Variants in SSH2 observed in about 807,000 individuals in gnomAD.
SSH2 encodes slingshot protein phosphatase 2.
A neutral mutation model predicts 135.2 loss-of-function variants in SSH2; 37 were observed. That is an observed-to-expected ratio of 0.27 (90% confidence interval 0.21 to 0.36). SSH2 has a LOEUF of 0.36. Ranked by LOEUF, SSH2 falls within the 10% of genes least tolerant of loss-of-function variation. SSH2 has a pLI of 1.00. For synonymous variants in SSH2, 628 were observed against 646.2 expected, an observed-to-expected ratio of 0.97 and a Z score of 0.43; for missense variants, 1,408 against 1,765.3, an observed-to-expected ratio of 0.80 and a Z score of 3.63.
chr17:29,896,766 A>G (rs949362673), intron 1 of SSH2, among the ~76,000 whole-genome samples: 1 of 151,730 alleles, frequency 6.6e-6, no homozygotes, highest in Non-Finnish European at 1.5e-5. Context: ...TTAATATTAC[A>G]AAATACAAGC....
rs555257110 is a variant in SSH2, at chr17:29,699,692, T to C, written c.292+3267A>G. On this transcript the variant is annotated intron_variant, in intron 4 of 15. Transcript: ENST00000540801. ...TAACTATCACATGCCATAGAGTAAT[T>C]TGCCCAACATTCTAGTCAGACAAAC... is the stretch of plus-strand genomic sequence containing the variant. Among the ~76,000 whole-genome samples the C allele has an allele frequency of 2.0e-5, 3 of 152,294 alleles. No individual in the cohort carries two copies. The East Asian group carries it at 5.8e-4, about 29-fold the overall frequency.
At chr17:29,853,061 A>C (rs1174837324) in intron 1 of SSH2, among the ~76,000 whole-genome samples, 1 of 151,488 alleles carries the variant, frequency 6.6e-6, no homozygotes, top group Non-Finnish European at 1.5e-5. Context: ...AGGAATACAA[A>C]ATGCAGCCTT....
At chr17:29,859,199 C>T (rs887897358) in intron 1 of SSH2, among the ~76,000 whole-genome samples, 3 of 152,150 alleles carry the variant, frequency 2.0e-5, no homozygotes, top group African/African-American at 4.8e-5. Flanking sequence ...TCATGGCTCC[C>T]TTCCTCTATC....
chr17:29,852,884 G>A (rs959408270), intron 1 of SSH2, among the ~76,000 whole-genome samples: 12 of 151,736 alleles, frequency 7.9e-5, no homozygotes, highest in East Asian at 1.9e-4. Flanking sequence ...AATTGTTTCC[G>A]GGTTCTGCAG....
chr17:29,696,618 TATATAC>T (rs1277396241), intron 4 of SSH2, among the ~76,000 whole-genome samples: 7 of 99,514 alleles, frequency 7.0e-5, no homozygotes, highest in Non-Finnish European at 8.9e-5. Context: ...TATACATATA[TATATAC>T]ACACACACAC....
intron 9 of SSH2, among the ~76,000 whole-genome samples, chr17:29,669,780 C>T (rs1432533197): frequency 6.6e-6 from 1 of 151,942 alleles, no homozygotes; most frequent in African/African-American, 2.4e-5. Context: ...CCAGGGACTG[C>T]CTTTATGTTT....
chr17:29,832,029 G>A (rs1243299785), intron 2 of SSH2, among the ~76,000 whole-genome samples: 2 of 152,138 alleles, frequency 1.3e-5, no homozygotes, highest in African/African-American at 2.4e-5. Flanking sequence ...CTCTTCTTGT[G>A]CCGCAACTGT....
chr17:29,729,505 A>G (rs1411304966), intron 3 of SSH2, among the ~76,000 whole-genome samples: 2 of 152,206 alleles, frequency 1.3e-5, no homozygotes, highest in Non-Finnish European at 2.9e-5. Flanking sequence ...ACTAAATAGA[A>G]CTACCATACG....
chr17:29,870,309 G>T (rs2065918626), intron 1 of SSH2, among the ~76,000 whole-genome samples: 1 of 150,624 alleles, frequency 6.6e-6, no homozygotes, highest in South Asian at 2.1e-4. Flanking sequence ...ATGCAATATT[G>T]TATATAGTAT....
intron 2 of SSH2, 56 bp downstream of exon 2, chr17:29,848,793 C>T: frequency 8.7e-7 from 1 of 1,152,404 alleles, no homozygotes; most frequent in Non-Finnish European, 1.2e-6. Context: ...CCAAATTTAC[C>T]CAATAAGATT....
intron 14 of SSH2, among the ~76,000 whole-genome samples, chr17:29,640,457 C>G (rs370889364): frequency 3.9e-5 from 6 of 152,300 alleles, no homozygotes; most frequent in African/African-American, 1.4e-4. Flanking sequence ...TGCTAATAGG[C>G]AGCAACAGTG....
chr17:29,717,435 C>T (rs965806215), intron 3 of SSH2, among the ~76,000 whole-genome samples: 1 of 152,190 alleles, frequency 6.6e-6, no homozygotes, highest in African/African-American at 2.4e-5. Context: ...TGCGCTCAGC[C>T]CATTGACAAT....
chr17:29,632,067 G>C lies in SSH2; in HGVS notation c.3127C>G (p.His1043Asp). ...PKRVEIIEYT[H>D]IVTSPNHTGP... ...GTGTGATTGGGTGATGTAACTATGT[G>C]GGTATATTCAATGATTTCTACCCTC... is the stretch of plus-strand genomic sequence containing the variant. The change falls in exon 16 of 16, where the codon CAC (histidine) becomes GAC (aspartate). Residue 1043 changes from histidine to aspartate, a missense_variant. Transcript: ENST00000540801. The C allele has an allele frequency of 1.2e-6, 2 of 1,614,196 alleles. No homozygotes were observed. The highest frequency in any genetic ancestry group is 1.7e-6 in the Non-Finnish European group (2 of 1,180,040).
chr17:29,655,392 C>T (rs1019421909), intron 12 of SSH2, among the ~76,000 whole-genome samples, 169 bp downstream of exon 12: 3 of 152,148 alleles, frequency 2.0e-5, no homozygotes, highest in Non-Finnish European at 2.9e-5. Flanking sequence ...CGTGAGTCAC[C>T]GTGCCCGGCC....
At chr17:29,926,399 C>T (rs891065105) in intron 1 of SSH2, among the ~76,000 whole-genome samples, 19 of 150,458 alleles carry the variant, frequency 1.3e-4, no homozygotes, top group African/African-American at 4.2e-4. Context: ...ATACAAAATA[C>T]AAAAATTAGC....
intron 11 of SSH2, among the ~76,000 whole-genome samples, chr17:29,666,212 A>C (rs1179905048): frequency 6.6e-6 from 1 of 152,082 alleles, no homozygotes; most frequent in Non-Finnish European, 1.5e-5. Context: ...ATCTCCACAA[A>C]AAATACAAAA....
At chr17:29,703,657 C>T (rs1229926021) in intron 3 of SSH2, among the ~76,000 whole-genome samples, 1 of 149,810 alleles carries the variant, frequency 6.7e-6, no homozygotes, top group Non-Finnish European at 1.5e-5. Context: ...CTCACTGCAA[C>T]AACCTCCGCC....
At chr17:29,879,189 A>C (rs1206823441) in intron 1 of SSH2, among the ~76,000 whole-genome samples, 1 of 152,180 alleles carries the variant, frequency 6.6e-6, no homozygotes, top group African/African-American at 2.4e-5. Flanking sequence ...TTAAACTAAG[A>C]ATATTGAAAA....
At chr17:29,906,902 A>G (rs1460452743) in intron 1 of SSH2, among the ~76,000 whole-genome samples, 1 of 152,226 alleles carries the variant, frequency 6.6e-6, no homozygotes, top group East Asian at 1.9e-4. Flanking sequence ...GAACATTTTT[A>G]CACTGCTGGT....
Sources: gnomAD v4.1 joint callset for allele counts (sites outside exome capture counted in the v4.1 genomes callset) on GRCh38, gnomAD v4.1.1 for gene constraint, MANE v1.5 for transcripts, NCBI Gene and HGNC (gene_info 2026-07-23, HGNC 2026-07-21) for gene names.